The following APBA2 variants were observed in gnomAD, a reference collection of about 807,000 sequenced individuals.
APBA2 encodes amyloid beta precursor protein binding family A member 2.
Under a neutral mutation model 75.0 loss-of-function variants are expected in APBA2, and 30 were observed. The ratio of observed to expected loss-of-function variants is 0.40; its 90% CI spans 0.30 to 0.54. The LOEUF (loss-of-function observed/expected upper bound fraction) is 0.54. Among genes scored for constraint, APBA2 ranks in the 20% least tolerant of loss-of-function variants. The pLI is 0.49. For synonymous variants in APBA2, 444 were observed against 409.6 expected (o/e 1.08, Z -1.01); for missense variants, 801 against 1,016.1 (o/e 0.79, Z 2.88).
chr15:29,017,483 C>A (rs557271261), intron 3 of APBA2, among the ~76,000 whole-genome samples: 1 of 146,112 alleles, frequency 6.8e-6, no homozygotes, highest in African/African-American at 2.6e-5. Flanking sequence ...AATTCTCCTG[C>A]CTCAGCGTCC....
chr15:29,026,432 A>G (rs1308251514), intron 3 of APBA2, among the ~76,000 whole-genome samples: 2 of 152,202 alleles, frequency 1.3e-5, no homozygotes, highest in Non-Finnish European at 2.9e-5. Context: ...GGCACCATGT[A>G]TATGAACGGC....
At chr15:28,916,164 T>C (rs2033681893) in intron 1 of APBA2, among the ~76,000 whole-genome samples, 1 of 152,258 alleles carries the variant, frequency 6.6e-6, no homozygotes, top group East Asian at 1.9e-4. Flanking sequence ...TGTCTCTGGC[T>C]GTGCCCTGGG....
intron 1 of APBA2, among the ~76,000 whole-genome samples, chr15:28,920,354 G>A (rs1232621464): frequency 6.6e-6 from 1 of 152,236 alleles, no homozygotes; most frequent in Non-Finnish European, 1.5e-5. Context: ...GGGCAAGGAA[G>A]CCATGGGCAG....
intron 3 of APBA2, among the ~76,000 whole-genome samples, chr15:29,024,155 C>T (rs1315622517): frequency 6.6e-6 from 1 of 152,192 alleles, no homozygotes; most frequent in East Asian, 1.9e-4. Context: ...CCACCCACCT[C>T]AGCCTCCCAA....
intron 1 of APBA2, among the ~76,000 whole-genome samples, chr15:28,909,189 A>C (rs1324288446): frequency 6.6e-6 from 1 of 151,360 alleles, no homozygotes; most frequent in Admixed American, 6.6e-5. Flanking sequence ...ATGGGGTTTC[A>C]CCGTGTTAGC....
At position 28,886,298 on chromosome 15, in the gene APBA2, C is replaced by G. The variant is rs2031710672; in HGVS notation, c.-205+20C>G. On this transcript the variant is annotated intron_variant, in intron 1 of 14. Transcript: ENST00000683413. ...GGCCAGGTAAGCTGGGGAACCTGGG[C>G]TGCCTGACTTGCCGGCGGCGGCAGC... is the stretch of plus-strand genomic sequence containing the variant. 6.6e-6 allele frequency: 1 copy of G among 150,516 alleles called. No individual in the cohort carries two copies. The highest frequency in any genetic ancestry group is 2.1e-4 in the South Asian group (1 of 4,794). 9.3% of individuals were successfully genotyped at this position (150,516 alleles called of 1,614,324 possible). A position where few individuals can be genotyped will look rare whatever the true frequency, so the allele number is the denominator to read the frequency against.
At chr15:28,920,861 G>A (rs763964684) in intron 1 of APBA2, among the ~76,000 whole-genome samples, 3 of 152,172 alleles carry the variant, frequency 2.0e-5, no homozygotes, top group Admixed American at 6.5e-5. Flanking sequence ...GCACAGGCAG[G>A]TTACATAGTC....
intron 3 of APBA2, among the ~76,000 whole-genome samples, chr15:29,032,374 T>C (rs2040532086): frequency 6.6e-6 from 1 of 152,146 alleles, no homozygotes; most frequent in Admixed American, 6.5e-5. Context: ...AAGGCTGAGG[T>C]TCCCCGAAGG....
intron 2 of APBA2, among the ~76,000 whole-genome samples, chr15:28,960,196 C>G (rs977534169): frequency 6.7e-6 from 1 of 150,214 alleles, no homozygotes; most frequent in Non-Finnish European, 1.5e-5. Flanking sequence ...CGAAGTGGCT[C>G]GTGCCTGTAA....
At chr15:28,965,232 C>A (rs68119047) in intron 2 of APBA2, among the ~76,000 whole-genome samples, 1 of 151,834 alleles carries the variant, frequency 6.6e-6, no homozygotes, top group Non-Finnish European at 1.5e-5. Context: ...AAAAGGCTGT[C>A]CCTCCTTCAT....
chr15:29,063,528 G>C (rs1231234563), intron 4 of APBA2, among the ~76,000 whole-genome samples: 1 of 135,806 alleles, frequency 7.4e-6, no homozygotes, highest in Non-Finnish European at 1.6e-5. Context: ...GTCAGTGTCT[G>C]TATGGGTGGT....
chr15:29,087,962 T>G (rs1283677007), intron 6 of APBA2, among the ~76,000 whole-genome samples: 1 of 152,152 alleles, frequency 6.6e-6, no homozygotes, highest in Admixed American at 6.5e-5. Context: ...TGTCCCACCC[T>G]GCATCTATCC....
chr15:28,956,541 T>C (rs2152730674), intron 2 of APBA2, among the ~76,000 whole-genome samples: 1 of 152,382 alleles, frequency 6.6e-6, no homozygotes, highest in African/African-American at 2.4e-5. Context: ...AATTAAATAC[T>C]ATTTTATTTA....
chr15:29,012,801 C>G (rs779701233), intron 3 of APBA2, among the ~76,000 whole-genome samples: 5 of 152,162 alleles, frequency 3.3e-5, no homozygotes, highest in Non-Finnish European at 5.9e-5. Context: ...TTTCTTATTT[C>G]CCCAGTCCTC....
chr15:28,981,345 G>A (rs2037611851), intron 2 of APBA2, among the ~76,000 whole-genome samples: 1 of 152,168 alleles, frequency 6.6e-6, no homozygotes, highest in Non-Finnish European at 1.5e-5. Context: ...ATTGGGCAAA[G>A]GACATGAACA....
At chr15:29,006,178 A>T (rs2039105528) in intron 3 of APBA2, among the ~76,000 whole-genome samples, 1 of 152,238 alleles carries the variant, frequency 6.6e-6, no homozygotes, top group African/African-American at 2.4e-5. Context: ...CTTATGCAAT[A>T]TGTAGAAGGC....
intron 4 of APBA2, among the ~76,000 whole-genome samples, chr15:29,064,548 G>A (rs1012948976): frequency 6.6e-6 from 1 of 152,192 alleles, no homozygotes; most frequent in African/African-American, 2.4e-5. Context: ...AGGGACAGGC[G>A]GAGAGGCTCT....
intron 1 of APBA2, 146 bp downstream of exon 1, chr15:28,886,424 G>GCC: frequency 6.6e-6 from 1 of 151,098 alleles, no homozygotes; most frequent in Non-Finnish European, 1.5e-5. Flanking sequence ...ACTCAGCGTG[G>GCC]CTGCGGGGCG....
chr15:29,064,180 G>T (rs2042275077), intron 4 of APBA2, among the ~76,000 whole-genome samples: 1 of 152,196 alleles, frequency 6.6e-6, no homozygotes, highest in Admixed American at 6.5e-5. Context: ...AGGTAGGCAA[G>T]CTGGGCCTGG....
Sources: allele counts gnomAD v4.1 joint callset (sites outside exome capture counted in the v4.1 genomes callset), GRCh38; gene constraint gnomAD v4.1.1; transcripts MANE v1.5; gene names NCBI Gene and HGNC (gene_info 2026-07-23, HGNC 2026-07-21).